Variants in NUP153 observed in about 807,000 individuals in gnomAD.
The protein encoded by NUP153 is nuclear pore complex protein Nup153.
Under a neutral mutation model 134.6 loss-of-function variants are expected in NUP153, and 27 were observed. That is an observed-to-expected ratio of 0.20 (90% CI 0.15 to 0.28). The LOEUF is 0.28. Among genes scored for constraint, NUP153 ranks in the 10% least tolerant of loss-of-function variants. The pLI is 1.00. For synonymous variants in NUP153, 640 were observed against 623.5 expected, an observed-to-expected ratio of 1.03 and a Z score of -0.40; for missense variants, 1,821 against 1,731.3, an observed-to-expected ratio of 1.05 and a Z score of -0.92.
intron 1 of NUP153, among the ~76,000 whole-genome samples, chr6:17,698,728 A>T (rs890823399): frequency 6.0e-5 from 8 of 134,386 alleles, no homozygotes; most frequent in African/African-American, 2.4e-4. Flanking sequence ...ACAGAGCAAG[A>T]CTCTGTCTCA....
intron 1 of NUP153, among the ~76,000 whole-genome samples, chr6:17,698,331 G>T (rs548573415): frequency 6.6e-6 from 1 of 152,160 alleles, no homozygotes; most frequent in Non-Finnish European, 1.5e-5. Flanking sequence ...CGTGGCTCAC[G>T]CCTGTAATCT....
chr6:17,654,364 C>T (rs1458048160), intron 11 of NUP153, among the ~76,000 whole-genome samples: 2 of 151,654 alleles, frequency 1.3e-5, no homozygotes, highest in Non-Finnish European at 1.5e-5. Context: ...TCTTGTTGCC[C>T]GGGCCGGACT....
chr6:17,639,792 G>T, intron 15 of NUP153, 147 bp downstream of exon 15: 1 of 638,734 alleles, frequency 1.6e-6, no homozygotes, highest in Non-Finnish European at 2.5e-6. Context: ...TCCAGCAAAA[G>T]AATTACACCT....
rs766058864 is a variant in NUP153 at position 17,665,364 on chromosome 6, C to T, written c.1090G>A (p.Val364Ile). 5.0e-6 allele frequency: 8 copies of T among 1,612,742 alleles called. No homozygotes were observed. In the South Asian group the frequency reaches 5.5e-5, roughly 11 times the overall value. ...GGCTTTGGGGTCATAAGTCTCTGAACAGGAGGATATTGAGAATCCACCTTA... is the reference window on the plus strand; with the variant it reads ...GGCTTTGGGGTCATAAGTCTCTGAATAGGAGGATATTGAGAATCCACCTTA... The part of the protein sequence containing the change: ...REKVDSQYPP[V>I]QRLMTPKPVS... Residue 364 changes from valine to isoleucine, a missense_variant, in exon 9 of 22, where the codon GTT (valine) becomes ATT (isoleucine). Coordinates refer to ENST00000262077, the MANE Select transcript of NUP153 (RefSeq NM_005124.4).
At chr6:17,648,552 G>A (rs975285816) in intron 12 of NUP153, among the ~76,000 whole-genome samples, 1 of 152,086 alleles carries the variant, frequency 6.6e-6, no homozygotes, top group Non-Finnish European at 1.5e-5. Context: ...GGGAGGTGGA[G>A]GTTGCAGTGA....
intron 1 of NUP153, among the ~76,000 whole-genome samples, chr6:17,705,717 G>A (rs1290453088): frequency 2.0e-5 from 3 of 151,994 alleles, no homozygotes; most frequent in Admixed American, 6.6e-5. Flanking sequence ...AGACGAGGAG[G>A]GCCACAGGCA....
Position 17,628,655 on chromosome 6 carries a change from C to T in NUP153, c.3544G>A (p.Asp1182Asn). 2.7e-6 allele frequency: 4 copies of T among 1,486,696 alleles called. No homozygotes were observed. The highest frequency in any genetic ancestry group is 1.8e-4 in the Middle Eastern group (1 of 5,596). 92.1% of individuals were successfully genotyped at this position (1,486,696 alleles called of 1,614,324 possible). ...AFGAQTSTTADQGAAKPVFSF... is the reference protein window; with the variant it reads ...AFGAQTSTTANQGAAKPVFSF... ...ATAATAATAAAAAGTTAATACTTACCAGCTGTAGTACTAGTTTGAGCTCCA... is the reference window on the plus strand; with the variant it reads ...ATAATAATAAAAAGTTAATACTTACTAGCTGTAGTACTAGTTTGAGCTCCA... The change falls in exon 18 of 22, where the codon GAT becomes AAT. Residue 1182 changes from aspartate to asparagine, a missense_variant and splice_region_variant. By Grantham distance (23) the Asp-to-Asn change is conservative (BLOSUM62 1). Transcript: ENST00000262077. This position sits in a 1 kb window ranked among gnomAD's most constrained non-coding sequence, Gnocchi z 5.4.
In NUP153 at chr6:17,706,460, A is replaced by C. The variant is rs1415183411; in HGVS notation, c.-73T>G. The C allele has an allele frequency of 8.4e-7, 1 of 1,196,422 alleles. No individual in the cohort carries two copies. The highest frequency in any genetic ancestry group is 1.3e-5 in the South Asian group (1 of 77,862). The allele number at this position is 1,196,422 out of a possible 1,614,324, so 74.1% of individuals were successfully genotyped here. A position where few individuals can be genotyped will look rare whatever the true frequency, so the allele number is the denominator to read the frequency against. Reference sequence around the variant, plus strand: ...AGAGGCAGAGGCGGAGGCCTTAGAGAGCCTCCCCCGCCGCCCGGCCCCGGC... The same window carrying C: ...AGAGGCAGAGGCGGAGGCCTTAGAGCGCCTCCCCCGCCGCCCGGCCCCGGC... On this transcript the variant is annotated 5_prime_UTR_variant, in exon 1 of 22. Transcript: ENST00000262077. The surrounding 1 kb of genome is among the most constrained non-coding windows in gnomAD (Gnocchi z 5.9).
intron 1 of NUP153, among the ~76,000 whole-genome samples, chr6:17,702,308 A>C (rs1455438359): frequency 4.6e-5 from 7 of 152,010 alleles, no homozygotes; most frequent in South Asian, 4.1e-4. Context: ...GAGATCGAGA[A>C]CATCCTGGCT....
At chr6:17,663,272 T>TATATAC (rs1409697747) in intron 9 of NUP153, among the ~76,000 whole-genome samples, 1 of 151,574 alleles carries the variant, frequency 6.6e-6, no homozygotes, top group Non-Finnish European at 1.5e-5. Context: ...TATATATATA[T>TATATAC]ATATTTTGAG....
chr6:17,700,701 A>T (rs960608176), intron 1 of NUP153, among the ~76,000 whole-genome samples: 3 of 152,224 alleles, frequency 2.0e-5, no homozygotes, highest in Non-Finnish European at 4.4e-5. Context: ...CAATACTATC[A>T]TATAAACCAT....
Position 17,675,214 on chromosome 6 carries a change from C to A in NUP153, c.723+15G>T. 5 of 1,613,240 alleles carry A rather than the reference C, an allele frequency of 3.1e-6. No homozygotes were observed. The highest frequency in any genetic ancestry group is 4.2e-6 in the Non-Finnish European group (5 of 1,179,764). On this transcript the variant is annotated intron_variant, in intron 4 of 21. Coordinates refer to ENST00000262077, the MANE Select transcript of NUP153 (RefSeq NM_005124.4). This position sits in a 1 kb window ranked among gnomAD's most constrained non-coding sequence, Gnocchi z 4.4. ...CAAAACTAATGTGATTAAATCCAAC[C>A]CAGTTAGTACTCACAGGGGAAAGTG...
chr6:17,701,386 G>A (rs557923337), intron 1 of NUP153, among the ~76,000 whole-genome samples: 12 of 152,030 alleles, frequency 7.9e-5, no homozygotes, highest in South Asian at 4.2e-4. Flanking sequence ...AAATTAGGCC[G>A]AGTGTGGTAG....
At chr6:17,691,413 C>G (rs1769266732) in intron 1 of NUP153, among the ~76,000 whole-genome samples, 1 of 152,196 alleles carries the variant, frequency 6.6e-6, no homozygotes, top group African/African-American at 2.4e-5. Flanking sequence ...ATACTAGTTA[C>G]TTATCCCATT....
intron 13 of NUP153, 136 bp downstream of exon 13, chr6:17,647,671 T>G: frequency 1.6e-6 from 1 of 616,794 alleles, no homozygotes; most frequent in Non-Finnish European, 2.8e-6. Flanking sequence ...TGTTCAAAAG[T>G]TTTTTACACA....
At chr6:17,644,421 T>C (rs1421212531) in intron 14 of NUP153, among the ~76,000 whole-genome samples, 1 of 152,184 alleles carries the variant, frequency 6.6e-6, no homozygotes, top group African/African-American at 2.4e-5. Context: ...ATCCAATTCA[T>C]TAGCATAGCA....
At position 17,629,291 on chromosome 6, in the gene NUP153, C is replaced by T. The variant is rs745618777; in HGVS notation, c.2908G>A (p.Glu970Lys). Residue 970 changes from glutamate to lysine, a missense_variant, in exon 18 of 22, where the codon GAA (glutamate) becomes AAA (lysine). Physicochemically the swap from Glu to Lys is moderately conservative, Grantham distance 56. Coordinates refer to ENST00000262077, the MANE Select transcript of NUP153 (RefSeq NM_005124.4). ...TTCTTACTATCTTTTTTAACTTCTT[C>T]GGGCTTAGATTCAGATGAAACTCCA... The part of the protein sequence containing the change: ...KFGVSSESKP[E>K]EVKKDSKNDN... 1.4e-5 allele frequency: 22 copies of T among 1,609,406 alleles called. No homozygotes were observed. The highest frequency in any genetic ancestry group is 6.7e-5 in the South Asian group (6 of 89,718).
rs765138655 is a variant in NUP153, at chr6:17,675,813, C to T, written c.335-43G>A. ...AATATTATGAATATACAACTTAGAG[C>T]GATACACTACCACAAATGGTTTTTA... is the stretch of plus-strand genomic sequence containing the variant. On this transcript the variant is annotated intron_variant, in intron 2 of 21. Transcript: ENST00000262077. The surrounding 1 kb of genome is among the most constrained non-coding windows in gnomAD (Gnocchi z 4.4). The T allele has an allele frequency of 2.4e-5, 37 of 1,569,072 alleles. No individual in the cohort carries two copies. Among genetic ancestry groups the T allele is most frequent in the Admixed American group, 2.3e-4 (14 of 59,708 alleles).
intron 1 of NUP153, among the ~76,000 whole-genome samples, chr6:17,702,256 C>A (rs1770160490): frequency 6.6e-6 from 1 of 152,268 alleles, no homozygotes; most frequent in East Asian, 1.9e-4. Flanking sequence ...GCCTGTAATA[C>A]CAGCACTTTG....
Sources: allele counts gnomAD v4.1 joint callset (sites outside exome capture counted in the v4.1 genomes callset), GRCh38; gene constraint gnomAD v4.1.1; non-coding constraint Gnocchi (gnomAD v3.1); transcripts MANE v1.5; gene names NCBI Gene and HGNC (gene_info 2026-07-23, HGNC 2026-07-21).